Variants in PABPC4L observed in about 807,000 individuals in gnomAD.
PABPC4L encodes poly(A) binding protein cytoplasmic 4 like, also known as polyadenylate-binding protein 4-like.
For missense variants in PABPC4L, 452 were observed against 451.4 expected (o/e 1.00, Z -0.01); for synonymous variants, 169 against 164.1 (o/e 1.03, Z -0.23).
At chr4:134,136,123 T>C in the PABPC4L span, among the ~76,000 whole-genome samples, 2 of 152,128 alleles carry the variant, frequency 1.3e-5, no homozygotes. Context: ...ACCTTACCAC[T>C]AGTTCTTTAA....
chr4:134,054,714 T>C, the PABPC4L span, among the ~76,000 whole-genome samples: 1 of 152,072 alleles, frequency 6.6e-6, no homozygotes, highest in Non-Finnish European at 1.5e-5. Context: ...TGTTTATGCA[T>C]TGGTAGTTTA....
At chr4:134,059,221 G>A in the PABPC4L span, among the ~76,000 whole-genome samples, 1 of 151,576 alleles carries the variant, frequency 6.6e-6, no homozygotes, top group Non-Finnish European at 1.5e-5. Flanking sequence ...CAGATTGCCT[G>A]CAATGAAACC....
At chr4:134,002,070 A>C in the PABPC4L span, among the ~76,000 whole-genome samples, 1 of 151,970 alleles carries the variant, frequency 6.6e-6, no homozygotes, top group African/African-American at 2.4e-5. Context: ...TGTTTCAATA[A>C]ATCTTCAGAT....
the PABPC4L span, among the ~76,000 whole-genome samples, chr4:134,045,128 C>G: frequency 1.2e-4 from 19 of 152,026 alleles, no homozygotes; most frequent in African/African-American, 4.6e-4. Context: ...TTATACTTTA[C>G]TAACATTATG....
the PABPC4L span, among the ~76,000 whole-genome samples, chr4:134,004,014 A>G: frequency 2.6e-5 from 4 of 151,978 alleles, no homozygotes; most frequent in Admixed American, 6.6e-5. Context: ...AGACTTAAGC[A>G]TAAGACATGA....
At chr4:134,009,346 T>C in the PABPC4L span, among the ~76,000 whole-genome samples, 2 of 151,988 alleles carry the variant, frequency 1.3e-5, no homozygotes, top group African/African-American at 4.8e-5. Flanking sequence ...TTTACTTATA[T>C]TTCCCTTGTT....
At chr4:134,092,991 T>C in the PABPC4L span, among the ~76,000 whole-genome samples, 1 of 152,052 alleles carries the variant, frequency 6.6e-6, no homozygotes, top group Non-Finnish European at 1.5e-5. Flanking sequence ...GAATTACTCA[T>C]TTTTATAGGT....
At chr4:134,178,327 C>T in the PABPC4L span, among the ~76,000 whole-genome samples, 1 of 131,110 alleles carries the variant, frequency 7.6e-6, no homozygotes, top group South Asian at 2.5e-4. Context: ...CACCATATAC[C>T]ATAATTAACC....
At chr4:134,133,538 G>C in the PABPC4L span, among the ~76,000 whole-genome samples, 1 of 150,576 alleles carries the variant, frequency 6.6e-6, no homozygotes, top group South Asian at 2.1e-4. Flanking sequence ...GCAGCAACTT[G>C]AATGGAATTG....
chr4:134,086,953 TC>T, the PABPC4L span, among the ~76,000 whole-genome samples: 1 of 149,416 alleles, frequency 6.7e-6, no homozygotes, highest in East Asian at 2.0e-4. Context: ...CCCTCCCCCT[TC>T]CCCCCACCCC....
At chr4:134,140,863 T>A in the PABPC4L span, among the ~76,000 whole-genome samples, 1 of 151,584 alleles carries the variant, frequency 6.6e-6, no homozygotes, top group Admixed American at 6.6e-5. Context: ...GGAAATAAAA[T>A]AAGTCCTTAG....
chr4:134,066,659 T>C, the PABPC4L span, among the ~76,000 whole-genome samples: 2 of 152,236 alleles, frequency 1.3e-5, no homozygotes, highest in South Asian at 4.1e-4. Context: ...CCGTACAGTA[T>C]GATGTTGGCT....
the PABPC4L span, among the ~76,000 whole-genome samples, chr4:134,160,360 C>T: frequency 6.6e-6 from 1 of 152,024 alleles, no homozygotes. Context: ...TCCAGGTAAC[C>T]CCAGGCTATG....
At chr4:133,956,081 C>T in the PABPC4L span, among the ~76,000 whole-genome samples, 1 of 152,048 alleles carries the variant, frequency 6.6e-6, no homozygotes, top group African/African-American at 2.4e-5. Flanking sequence ...GGGATTTCAA[C>T]ATTCAAATCA....
the PABPC4L span, among the ~76,000 whole-genome samples, chr4:134,145,574 G>T: frequency 6.6e-6 from 1 of 151,748 alleles, no homozygotes; most frequent in Admixed American, 6.6e-5. Context: ...GCTGTTGAAG[G>T]GTAAATGGGA....
At chr4:134,106,752 G>A in the PABPC4L span, among the ~76,000 whole-genome samples, 35 of 151,478 alleles carry the variant, frequency 2.3e-4, no homozygotes, top group African/African-American at 7.7e-4. Context: ...GCACTGAAAA[G>A]AAATTTATGT....
At chr4:134,016,035 C>A in the PABPC4L span, among the ~76,000 whole-genome samples, 2 of 152,138 alleles carry the variant, frequency 1.3e-5, no homozygotes, top group Non-Finnish European at 2.9e-5. Flanking sequence ...CTCTCTGATC[C>A]ACCTGACGTT....
the PABPC4L span, among the ~76,000 whole-genome samples, chr4:134,137,209 A>C: frequency 6.6e-6 from 1 of 152,138 alleles, no homozygotes; most frequent in Non-Finnish European, 1.5e-5. Context: ...TATTTGCATA[A>C]GTTCTTTCCA....
chr4:133,991,794 T>C, the PABPC4L span, among the ~76,000 whole-genome samples: 2 of 152,276 alleles, frequency 1.3e-5, no homozygotes, highest in Middle Eastern at 3.4e-3. Flanking sequence ...CTTAATACCA[T>C]GACACTAGTA....
Sources: allele counts gnomAD v4.1 joint callset (sites outside exome capture counted in the v4.1 genomes callset), GRCh38; gene constraint gnomAD v4.1.1; transcripts MANE v1.5; gene names NCBI Gene and HGNC (gene_info 2026-07-23, HGNC 2026-07-21).